SVEP1: variants seen among roughly 807,000 people sequenced by gnomAD.
The protein encoded by SVEP1 is sushi, von Willebrand factor type A, EGF and pentraxin domain-containing protein 1.
A neutral mutation model predicts 367.3 loss-of-function variants in SVEP1; 164 were observed. The ratio of observed to expected loss-of-function variants is 0.45; its 90% CI spans 0.39 to 0.51. SVEP1 has a LOEUF of 0.51. SVEP1 is among the 20% of genes least tolerant of loss of function. The probability of loss-of-function intolerance (pLI) is 0.00; values close to 1 mark genes in which losing one functional copy is unlikely to be tolerated. For synonymous variants in SVEP1, 1,666 were observed against 1,611.6 expected (o/e 1.03, Z -0.81); for missense variants, 4,117 against 4,425.3 (o/e 0.93, Z 1.98).
At chr9:110,490,616 G>T (rs1389927322) in intron 8 of SVEP1, among the ~76,000 whole-genome samples, 1 of 151,660 alleles carries the variant, frequency 6.6e-6, no homozygotes, top group Non-Finnish European at 1.5e-5. Context: ...TTATTTCCTT[G>T]TAATAGAGTT....
intron 14 of SVEP1, among the ~76,000 whole-genome samples, chr9:110,474,386 C>A (rs1265823970): frequency 2.6e-5 from 4 of 152,132 alleles, no homozygotes; most frequent in Admixed American, 6.5e-5. Flanking sequence ...TACATTATGA[C>A]CTTCCAAGGC....
rs189614330 is a variant in SVEP1 at position 110,391,060 on chromosome 9, T to C, written c.9823-1473A>G. On this transcript the variant is annotated intron_variant, in intron 40 of 47. Transcript: ENST00000374469. Reference sequence around the variant, plus strand: ...GCTCTTAAAAATTATAACCATAACATTATCACAACTTAAAAAGTAACAATT... The same window carrying C: ...GCTCTTAAAAATTATAACCATAACACTATCACAACTTAAAAAGTAACAATT... 7.3e-4 allele frequency among the ~76,000 whole-genome samples: 111 copies of C among 152,200 alleles called. No homozygotes were observed. In the East Asian group the frequency reaches 0.019, roughly 25 times the overall value.
At chr9:110,434,672 A>AAAAAAAAAAAAAAG (rs1828405979) in intron 29 of SVEP1, among the ~76,000 whole-genome samples, 166 bp from the exon 30 acceptor site, 2 of 148,902 alleles carry the variant, frequency 1.3e-5, no homozygotes, top group Admixed American at 6.7e-5. Flanking sequence ...TCACTAAAAA[A>AAAAAAAAAAAAAAG]AAAAAAAAAA....
At chr9:110,390,239 G>GTATGTATATACT (rs1328210466) in intron 40 of SVEP1, among the ~76,000 whole-genome samples, 1 of 48,812 alleles carries the variant, frequency 2.0e-5, no homozygotes, top group Non-Finnish European at 4.2e-5. Context: ...ATATAAGTAT[G>GTATGTATATACT]TGTATATATA....
intron 6 of SVEP1, among the ~76,000 whole-genome samples, chr9:110,499,720 C>T (rs1889326): frequency 0.46 from 69,301 of 151,988 alleles, 15,818 homozygotes; most frequent in East Asian, 0.55. Context: ...GGGCCTTGAC[C>T]TTGAATGCTA....
intron 12 of SVEP1, among the ~76,000 whole-genome samples, chr9:110,480,470 T>A (rs1303296028): frequency 6.6e-6 from 1 of 152,232 alleles, no homozygotes; most frequent in Non-Finnish European, 1.5e-5. Flanking sequence ...TTATTTACAC[T>A]AAATGAATAC....
chr9:110,556,774 C>T (rs1489820962), intron 1 of SVEP1, among the ~76,000 whole-genome samples: 3 of 152,082 alleles, frequency 2.0e-5, no homozygotes, highest in African/African-American at 7.2e-5. Context: ...CAAGTGTGAG[C>T]CACCACACTT....
Position 110,430,429 on chromosome 9 carries a change from G to A in SVEP1, c.5375C>T (p.Pro1792Leu). The change falls in exon 33 of 48, where the codon CCA becomes CTA. Residue 1792 changes from proline (P) to leucine (L), a missense_variant. Physicochemically the swap from Pro to Leu is moderately conservative, Grantham distance 98 (BLOSUM62 -3). Around this residue, in one of 4 missense-constraint regions of SVEP1, gnomAD observed 2,174 missense variants for 2,494.3 expected, o/e 0.87. Transcript: ENST00000374469. ...NCAEPIKCKA[P>L]GNPENGHSSG... ...GGAGTGGCCATTTTCCGGATTTCCT[G>A]GAGCCTTACATTTTATAGGTTCTAG... is the stretch of plus-strand genomic sequence containing the variant. 1 of 1,611,800 alleles carries A rather than the reference G, an allele frequency of 6.2e-7. No individual in the cohort carries two copies. Among genetic ancestry groups the A allele is most frequent in the South Asian group, 1.1e-5 (1 of 90,588 alleles).
At chr9:110,573,801 C>T (rs991934155) in intron 1 of SVEP1, among the ~76,000 whole-genome samples, 15 of 152,116 alleles carry the variant, frequency 9.9e-5, no homozygotes, top group Admixed American at 7.9e-4. Context: ...ATTACTCACC[C>T]AGAACAAACA....
chr9:110,454,763 C>A (rs527238017), intron 22 of SVEP1, among the ~76,000 whole-genome samples: 1 of 151,978 alleles, frequency 6.6e-6, no homozygotes, highest in Non-Finnish European at 1.5e-5. Flanking sequence ...ACATTGAGTA[C>A]ACATGGAATA....
chr9:110,566,154 CA>C (rs1215825457), intron 1 of SVEP1, among the ~76,000 whole-genome samples: 9 of 150,886 alleles, frequency 6.0e-5, no homozygotes, highest in Non-Finnish European at 1.0e-4. Context: ...CACATCTCTA[CA>C]AAAAAATACA....
At chr9:110,429,897 T>A in intron 34 of SVEP1, 23 bp downstream of exon 34, 1 of 1,598,390 alleles carries the variant, frequency 6.3e-7, no homozygotes, top group Non-Finnish European at 8.6e-7. Context: ...TTCTACAATA[T>A]AGTTTTAATC....
rs189954456 is a variant in SVEP1, at chr9:110,368,582, C to T, written c.10694+1341G>A. ...CGACAGTTTTTAAATCATGCAAACT[C>T]TCTCTGGGCTTTTCTTTATCTGAAA... On this transcript the variant is annotated intron_variant, in intron 47 of 47. Transcript: ENST00000374469. Among the ~76,000 whole-genome samples, 83 of 152,314 alleles carry T rather than the reference C, an allele frequency of 5.4e-4. 1 individual carries two copies. In the South Asian group the frequency reaches 7.0e-3, roughly 13 times the overall value.
At chr9:110,444,174 A>G (rs1471235710) in intron 26 of SVEP1, among the ~76,000 whole-genome samples, 1 of 152,208 alleles carries the variant, frequency 6.6e-6, no homozygotes, top group East Asian at 1.9e-4. Flanking sequence ...AGTCTGTTTG[A>G]TGGTTGCTGC....
intron 27 of SVEP1, 121 bp downstream of exon 27, chr9:110,443,424 G>T: frequency 1.1e-6 from 1 of 917,970 alleles, no homozygotes; most frequent in Non-Finnish European, 1.5e-6. Context: ...TAGGAAATAA[G>T]AGAGATAGCT....
In SVEP1 at chr9:110,450,263, G is replaced by T. The variant is rs767791055; in HGVS notation, c.3902-3C>A. ...GACTTCTGTTTCACAATGCAGGCCT[G>T]AGGATGGAGAAGGAAGAGAAACAGC... On this transcript the variant is annotated splice_region_variant and splice_polypyrimidine_tract_variant and intron_variant, in intron 23 of 47. Transcript: ENST00000374469. 1 of 1,613,558 alleles carries T rather than the reference G, an allele frequency of 6.2e-7. No homozygotes were observed. The highest frequency in any genetic ancestry group is 8.5e-7 in the Non-Finnish European group (1 of 1,179,644).
chr9:110,540,781 AT>A (rs1427225793), intron 3 of SVEP1, among the ~76,000 whole-genome samples: 2 of 152,128 alleles, frequency 1.3e-5, no homozygotes, highest in African/African-American at 4.8e-5. Context: ...TCAAGTTAGG[AT>A]TTTCATGACA....
chr9:110,458,910 ATG>A (rs753993966), intron 19 of SVEP1, 40 bp downstream of exon 19: 2 of 1,585,028 alleles, frequency 1.3e-6, no homozygotes, highest in Non-Finnish European at 8.6e-7. Context: ...GGAAAAGTAA[ATG>A]TCCAACATAG....
At chr9:110,378,233 T>C (rs1402854785) in intron 44 of SVEP1, among the ~76,000 whole-genome samples, 1 of 152,200 alleles carries the variant, frequency 6.6e-6, no homozygotes, top group Non-Finnish European at 1.5e-5. Flanking sequence ...GACTTTAGAC[T>C]TTAAGTGAAG....
Sources: gnomAD v4.1 joint callset for allele counts (sites outside exome capture counted in the v4.1 genomes callset) on GRCh38, gnomAD v4.1.1 for gene constraint, gnomAD v4.1.1 regional missense constraint, MANE v1.5 for transcripts, NCBI Gene and HGNC (gene_info 2026-07-23, HGNC 2026-07-21) for gene names.